The following INVS variants were observed in gnomAD, a reference collection of about 807,000 sequenced individuals.
INVS encodes the protein inversion of embryo turning homolog.
Under a neutral mutation model 108.8 loss-of-function variants are expected in INVS, and 86 were observed. The ratio of observed to expected loss-of-function variants is 0.79; its 90% CI spans 0.66 to 0.95. INVS has a LOEUF of 0.95. Among genes scored for constraint, INVS ranks in the 40% least tolerant of loss-of-function variants. The pLI, the probability that INVS is intolerant of heterozygous loss-of-function variation, is 0.00. For missense variants in INVS, 1,169 were observed against 1,297.4 expected, an observed-to-expected ratio of 0.90 and a Z score of 1.52; for synonymous variants, 455 against 473.5, an observed-to-expected ratio of 0.96 and a Z score of 0.51.
intron 3 of INVS, among the ~76,000 whole-genome samples, chr9:100,128,544 A>G (rs1465421679): frequency 1.3e-5 from 2 of 152,222 alleles, no homozygotes; most frequent in African/African-American, 4.8e-5. Context: ...GATGAAATAT[A>G]GTATGCACCA....
At chr9:100,133,804 C>CACACAT (rs968843499) in intron 3 of INVS, among the ~76,000 whole-genome samples, 1 of 143,514 alleles carries the variant, frequency 7.0e-6, no homozygotes, top group African/African-American at 2.8e-5. Flanking sequence ...CACACACACA[C>CACACAT]ATACACACAT....
chr9:100,275,443 G>C (rs1313963740), intron 12 of INVS, among the ~76,000 whole-genome samples: 1 of 152,190 alleles, frequency 6.6e-6, no homozygotes, highest in African/African-American at 2.4e-5. Context: ...GGAGGCTGTA[G>C]ATCTCTAAGA....
chr9:100,126,549 G>A lies in INVS; in HGVS notation c.273G>A (p.Lys91=), dbSNP rs750159994. The part of the protein sequence containing the change: ...QRTALHLAAQ[K]GNYRFMKLLL... The stretch of plus-strand genomic sequence containing the variant: ...CAGCCCTCCATCTTGCAGCCCAGAA[G>A]GTGAGAAGTAAAATTTCCTTGAAGA... The change falls in exon 3 of 17, where the codon AAG becomes AAA. Residue 91 remains lysine (K), a splice_region_variant and synonymous_variant. Coordinates refer to ENST00000262457, the MANE Select transcript of INVS (RefSeq NM_014425.5). 3.7e-6 allele frequency: 6 copies of A among 1,614,114 alleles called. No homozygotes were observed. Among genetic ancestry groups the A allele is most frequent in the East Asian group, 2.2e-5 (1 of 44,882 alleles).
chr9:100,200,105 GATA>G (rs1294483547), intron 3 of INVS, among the ~76,000 whole-genome samples: 1 of 151,984 alleles, frequency 6.6e-6, no homozygotes, highest in African/African-American at 2.4e-5. Context: ...TTACATTTCA[GATA>G]TAGTACTTTC....
chr9:100,264,774 C>A lies in INVS; in HGVS notation c.1465-48C>A, dbSNP rs199756317. ...TGAATTAGCATAAATAACCACATAT[C>A]CAAAAATACTTACTCCAGATGTACT... On this transcript the variant is annotated intron_variant, in intron 10 of 16. Transcript: ENST00000262457. 7 of 1,256,328 alleles carry A rather than the reference C, an allele frequency of 5.6e-6. No homozygotes were observed. In the Admixed American group the frequency reaches 6.7e-5, roughly 12 times the overall value. 77.8% of individuals were successfully genotyped at this position (1,256,328 alleles called of 1,614,324 possible).
At chr9:100,122,879 C>A (rs910006518) in intron 2 of INVS, among the ~76,000 whole-genome samples, 1 of 151,936 alleles carries the variant, frequency 6.6e-6, no homozygotes, top group Admixed American at 6.6e-5. Context: ...CCACTGCGCC[C>A]AGCCTAATCA....
chr9:100,129,651 A>T (rs1337663716), intron 3 of INVS: 3 of 665,386 alleles, frequency 4.5e-6, no homozygotes, highest in Non-Finnish European at 8.4e-6. Flanking sequence ...AAAACTGAAT[A>T]AAATACTATA....
At chr9:100,278,260 T>C (rs1833168686) in intron 12 of INVS, among the ~76,000 whole-genome samples, 1 of 150,438 alleles carries the variant, frequency 6.6e-6, no homozygotes, top group Non-Finnish European at 1.5e-5. Flanking sequence ...AAAAAATTTA[T>C]GTGAGGAGCT....
intron 12 of INVS, 98 bp downstream of exon 12, chr9:100,273,174 T>A: frequency 1.1e-6 from 1 of 870,980 alleles, no homozygotes; most frequent in South Asian, 1.3e-5. Context: ...GGGAAACAGA[T>A]GAGAATCTGA....
chr9:100,215,409 A>G (rs1830956355), intron 3 of INVS: 1 of 152,234 alleles, frequency 6.6e-6, no homozygotes, highest in African/African-American at 2.4e-5. Context: ...AGGAGGCTAC[A>G]AGGATGAAAT....
chr9:100,137,643 G>C (rs1381939303), intron 3 of INVS, among the ~76,000 whole-genome samples: 1 of 152,208 alleles, frequency 6.6e-6, no homozygotes, highest in South Asian at 2.1e-4. Context: ...TCATAAGATT[G>C]TAAGTATGAA....
chr9:100,261,075 ATTATT>A (rs1832605402), intron 10 of INVS, among the ~76,000 whole-genome samples: 1 of 152,152 alleles, frequency 6.6e-6, no homozygotes, highest in Non-Finnish European at 1.5e-5. Flanking sequence ...TGCTAATTAA[ATTATT>A]TTAACTCTTT....
At chr9:100,271,689 T>G (rs1832961567) in intron 11 of INVS, among the ~76,000 whole-genome samples, 1 of 152,214 alleles carries the variant, frequency 6.6e-6, no homozygotes, top group African/African-American at 2.4e-5. Context: ...TGAAAGGTAC[T>G]CTCTCATGTT....
chr9:100,283,085 G>T (rs1833328067), intron 12 of INVS, among the ~76,000 whole-genome samples: 1 of 152,198 alleles, frequency 6.6e-6, no homozygotes, highest in African/African-American at 2.4e-5. Flanking sequence ...AAAGCTGGGG[G>T]ATAGCTTGAG....
At chr9:100,226,863 A>G (rs947559743) in intron 4 of INVS, among the ~76,000 whole-genome samples, 3 of 151,598 alleles carry the variant, frequency 2.0e-5, no homozygotes, top group Non-Finnish European at 4.4e-5. Context: ...CCAAAACCCA[A>G]TATTTGACAG....
chr9:100,260,696 A>C (rs1011484147), intron 10 of INVS, among the ~76,000 whole-genome samples: 2 of 152,192 alleles, frequency 1.3e-5, no homozygotes, highest in African/African-American at 4.8e-5. Context: ...ATTGAAGCTC[A>C]TGTAGTTTAA....
At chr9:100,217,682 G>T (rs1831032875) in intron 3 of INVS, among the ~76,000 whole-genome samples, 1 of 152,126 alleles carries the variant, frequency 6.6e-6, no homozygotes, top group African/African-American at 2.4e-5. Context: ...CTTTGCCCTG[G>T]TGGGTGACAT....
chr9:100,296,498 T>A (rs1215412689), intron 14 of INVS, among the ~76,000 whole-genome samples: 1 of 152,238 alleles, frequency 6.6e-6, no homozygotes, highest in East Asian at 1.9e-4. Context: ...TTCTGCTACG[T>A]AGAATGCCCT....
intron 2 of INVS, among the ~76,000 whole-genome samples, chr9:100,112,665 T>TAA (rs879870642): frequency 3.2e-5 from 4 of 126,718 alleles, no homozygotes; most frequent in African/African-American, 8.8e-5. Flanking sequence ...GCTGATGAGC[T>TAA]AAAAAAAAAA....
Sources: allele counts gnomAD v4.1 joint callset (sites outside exome capture counted in the v4.1 genomes callset), GRCh38; gene constraint gnomAD v4.1.1; transcripts MANE v1.5; gene names NCBI Gene and HGNC (gene_info 2026-07-23, HGNC 2026-07-21).